MTF2: variants seen among roughly 807,000 people sequenced by gnomAD.
MTF2 encodes the protein metal-response element-binding transcription factor 2.
In MTF2, 11 loss-of-function variants were observed where a neutral mutation model predicts 79.5. That is an observed-to-expected ratio of 0.14 (90% CI 0.09 to 0.23). MTF2 has a LOEUF of 0.23. Among genes scored for constraint, MTF2 ranks in the 10% least tolerant of loss-of-function variants. The pLI is 1.00. For missense variants in MTF2, 486 were observed against 711.2 expected (o/e 0.68, Z 3.60); for synonymous variants, 208 against 232.8 (o/e 0.89, Z 0.97).
At chr1:93,085,685 G>C (rs923406298) in intron 1 of MTF2, among the ~76,000 whole-genome samples, 3 of 151,836 alleles carry the variant, frequency 2.0e-5, no homozygotes, top group African/African-American at 7.3e-5. Context: ...ACGGGGTCTT[G>C]GTATGTTGCC....
intron 1 of MTF2, among the ~76,000 whole-genome samples, chr1:93,096,839 C>T (rs1171258400): frequency 2.4e-5 from 3 of 123,258 alleles, no homozygotes; most frequent in African/African-American, 3.3e-5. Flanking sequence ...GAGACAGGGT[C>T]TAGTTCAGCT....
chr1:93,132,311 C>T (rs1656952821), intron 11 of MTF2, among the ~76,000 whole-genome samples: 1 of 152,124 alleles, frequency 6.6e-6, no homozygotes, highest in African/African-American at 2.4e-5. Context: ...GATTTTGTCA[C>T]TCAGATCCTT....
intron 11 of MTF2, among the ~76,000 whole-genome samples, chr1:93,133,041 T>TGCTTGGTATTTG (rs150819556): frequency 0.025 from 3,766 of 152,112 alleles, 133 homozygotes; most frequent in African/African-American, 0.08. Flanking sequence ...TCCTTCCTAT[T>TGCTTGGTATTTG]GCTTGGTATT....
chr1:93,127,768 A>G (rs184297687), intron 10 of MTF2, among the ~76,000 whole-genome samples: 1 of 152,164 alleles, frequency 6.6e-6, no homozygotes, highest in East Asian at 1.9e-4. Flanking sequence ...ATTAAGTGAT[A>G]TTATTTGATA....
chr1:93,135,316 T>A (rs569887268), intron 14 of MTF2, among the ~76,000 whole-genome samples: 3 of 152,262 alleles, frequency 2.0e-5, no homozygotes. Flanking sequence ...TATGAAAAGG[T>A]TAATCTATTT....
chr1:93,116,501 A>ATTTTTT (rs34058324), intron 6 of MTF2, among the ~76,000 whole-genome samples: 89 of 120,408 alleles, frequency 7.4e-4, no homozygotes, highest in African/African-American at 1.6e-3. Context: ...CCATTGTAAG[A>ATTTTTT]TTTTTTTTTT....
intron 3 of MTF2, among the ~76,000 whole-genome samples, chr1:93,111,981 C>A (rs1656045754): frequency 6.6e-6 from 1 of 152,072 alleles, no homozygotes; most frequent in South Asian, 2.1e-4. Flanking sequence ...GTCCTTTTGT[C>A]TACTTCCTCC....
chr1:93,127,068 C>T (rs1204210839), intron 9 of MTF2, among the ~76,000 whole-genome samples, 164 bp from the exon 10 acceptor site: 1 of 151,992 alleles, frequency 6.6e-6, no homozygotes, highest in Non-Finnish European at 1.5e-5. Context: ...GGTTAAATGG[C>T]CCTAGGTCAC....
intron 1 of MTF2, among the ~76,000 whole-genome samples, chr1:93,084,053 G>T (rs967547808): frequency 1.3e-4 from 19 of 151,694 alleles, no homozygotes; most frequent in Non-Finnish European, 2.8e-4. Flanking sequence ...TTTTGATAAA[G>T]TTCAATTTAT....
At chr1:93,129,841 G>A (rs1226313574) in intron 11 of MTF2, among the ~76,000 whole-genome samples, 1 of 152,086 alleles carries the variant, frequency 6.6e-6, no homozygotes, top group African/African-American at 2.4e-5. Context: ...ATGACAGATA[G>A]ATTTTTCTTC....
chr1:93,093,228 A>C (rs1021389268), intron 1 of MTF2, among the ~76,000 whole-genome samples: 1 of 152,032 alleles, frequency 6.6e-6, no homozygotes, highest in African/African-American at 2.4e-5. Flanking sequence ...GTTAGCTGTT[A>C]TTTCTAGATT....
intron 1 of MTF2, among the ~76,000 whole-genome samples, chr1:93,095,500 C>G (rs573082391): frequency 3.9e-5 from 6 of 152,096 alleles, no homozygotes; most frequent in African/African-American, 1.4e-4. Context: ...GCCACTACAT[C>G]CAGCTGATTT....
intron 9 of MTF2, among the ~76,000 whole-genome samples, chr1:93,124,931 A>G (rs558514490): frequency 6.6e-6 from 1 of 152,012 alleles, no homozygotes; most frequent in Non-Finnish European, 1.5e-5. Flanking sequence ...GATTTACACT[A>G]TAATGGTTGT....
intron 1 of MTF2, among the ~76,000 whole-genome samples, chr1:93,109,748 A>G (rs978277200): frequency 6.6e-6 from 1 of 152,056 alleles, no homozygotes; most frequent in South Asian, 2.1e-4. Flanking sequence ...CTGTAAGGAG[A>G]AGGTCATGAC....
intron 9 of MTF2, among the ~76,000 whole-genome samples, chr1:93,123,770 C>CA (rs892313299): frequency 6.8e-6 from 1 of 147,794 alleles, no homozygotes; most frequent in Non-Finnish European, 1.5e-5. Flanking sequence ...GTCCCCCCCC[C>CA]CTTTTTTTAA....
At chr1:93,094,198 C>T (rs1235285593) in intron 1 of MTF2, among the ~76,000 whole-genome samples, 1 of 151,836 alleles carries the variant, frequency 6.6e-6, no homozygotes, top group Non-Finnish European at 1.5e-5. Context: ...CACTTTTTTT[C>T]TGTTTTCACA....
intron 2 of MTF2, 54 bp from the exon 3 acceptor site, chr1:93,110,491 A>G (rs563595636): frequency 6.9e-6 from 11 of 1,603,696 alleles, no homozygotes; most frequent in Admixed American, 1.7e-5. Flanking sequence ...CTTAAATTTA[A>G]CTTCATGTTT....
At chr1:93,105,143 CAAA>C (rs11372021) in intron 1 of MTF2, among the ~76,000 whole-genome samples, 1 of 110,504 alleles carries the variant, frequency 9.0e-6, no homozygotes, top group African/African-American at 3.6e-5. Context: ...GACTCCGTCT[CAAA>C]AAAAAAAAAA....
chr1:93,118,992 C>T (rs908813621), intron 7 of MTF2, among the ~76,000 whole-genome samples: 4 of 152,166 alleles, frequency 2.6e-5, no homozygotes, highest in Admixed American at 1.3e-4. Flanking sequence ...TTATTTTGAG[C>T]GTTGAATTAA....
Sources: gnomAD v4.1 joint callset for allele counts (sites outside exome capture counted in the v4.1 genomes callset) on GRCh38, gnomAD v4.1.1 for gene constraint, MANE v1.5 for transcripts, NCBI Gene and HGNC (gene_info 2026-07-23, HGNC 2026-07-21) for gene names.